The following YWHAZ variants were observed in gnomAD, a reference collection of about 807,000 sequenced individuals.
YWHAZ encodes 14-3-3 protein zeta/delta.
For synonymous variants in YWHAZ, 87 were observed against 103.6 expected, an observed-to-expected ratio of 0.84 and a Z score of 0.97; for missense variants, 79 against 284.8, an observed-to-expected ratio of 0.28 and a Z score of 5.20.
At chr8:100,935,400 A>G (rs1288065309) in intron 2 of YWHAZ, among the ~76,000 whole-genome samples, 1 of 152,188 alleles carries the variant, frequency 6.6e-6, no homozygotes. Context: ...CATCATCAAG[A>G]GTGTATTACC....
intron 1 of YWHAZ, 115 bp from the exon 2 acceptor site, chr8:100,949,015 ACT>A: frequency 8.2e-7 from 1 of 1,214,152 alleles, no homozygotes; most frequent in Non-Finnish European, 1.1e-6. Context: ...CCTGTGAAAG[ACT>A]GTTCACATGA....
Position 100,919,893 on chromosome 8 carries a change from A to G in YWHAZ, c.*800T>C, listed in dbSNP as rs1244457744. ...TCAAAAAAAAAAAAATCACAAAAGC[A>G]AAAATCCTAAAAAAAAGTTAAATAC... On this transcript the variant is annotated 3_prime_UTR_variant, in exon 6 of 6. Coordinates refer to ENST00000395958, the MANE Select transcript of YWHAZ (RefSeq NM_145690.3). The G allele has an allele frequency of 6.6e-6, 1 of 152,414 alleles. No individual in the cohort carries two copies. The highest frequency in any genetic ancestry group is 1.5e-5 in the Non-Finnish European group (1 of 67,980). 9.4% of individuals were successfully genotyped at this position (152,414 alleles called of 1,614,324 possible).
rs1183299219 is a variant in YWHAZ at position 100,918,422 on chromosome 8, ATATATATATATATATATATAT to A, written c.*2250_*2270del. On this transcript the variant is annotated 3_prime_UTR_variant, in exon 6 of 6. Transcript: ENST00000395958. ...ATATAATTACTTTATATATATATAT[ATATATATATATATATATATAT>A]AATTATTTTACCTCCTTGGCTTGGG... 17 of 86,640 alleles carry A rather than the reference ATATATATATATATATATATAT, an allele frequency of 2.0e-4. No individual in the cohort carries two copies. The East Asian group carries it at 6.7e-3, about 34-fold the overall frequency. The allele number at this position is 86,640 out of a possible 1,614,324, so 5.4% of individuals were successfully genotyped here. A position where few individuals can be genotyped will look rare whatever the true frequency, so the allele number is the denominator to read the frequency against.
In YWHAZ at chr8:100,922,058, A is replaced by C. The variant is rs1034973593; in HGVS notation, c.679-1306T>G. Reference sequence around the variant, plus strand: ...TACAGATAGCCAAATGACCTCTTGGAAACTGTGTGCTCCTCCTGTCAAACA... The same window carrying C: ...TACAGATAGCCAAATGACCTCTTGGCAACTGTGTGCTCCTCCTGTCAAACA... On this transcript the variant is annotated intron_variant, in intron 5 of 5. Coordinates refer to ENST00000395958, the MANE Select transcript of YWHAZ (RefSeq NM_145690.3). The surrounding 1 kb of genome is among the most constrained non-coding windows in gnomAD (Gnocchi z 4.1). Among the ~76,000 whole-genome samples, 3 of 152,204 alleles carry C rather than the reference A, an allele frequency of 2.0e-5. No individual in the cohort carries two copies. In the East Asian group the frequency reaches 5.8e-4, roughly 29 times the overall value.
At chr8:100,946,512 T>C (rs552532817) in intron 2 of YWHAZ, among the ~76,000 whole-genome samples, 178 of 152,022 alleles carry the variant, frequency 1.2e-3, no homozygotes, top group African/African-American at 4.1e-3. Flanking sequence ...GATGGTGCCA[T>C]TGCACTCCAG....
In YWHAZ at chr8:100,916,807, C is replaced by T. The variant is rs779688670; in HGVS notation, c.*3886G>A. The T allele has an allele frequency of 5.9e-5, 9 of 152,216 alleles. No homozygotes were observed. The highest frequency in any genetic ancestry group is 1.2e-4 in the Non-Finnish European group (8 of 68,042). 9.4% of individuals were successfully genotyped at this position (152,216 alleles called of 1,614,324 possible). ...TGGACATCCTGTTACAATCTATATT[C>T]AGGTCTCTCCACTTTGAAAAGGAAC... On this transcript the variant is annotated 3_prime_UTR_variant, in exon 6 of 6. Transcript: ENST00000395958.
chr8:100,951,091 C>T, intron 1 of YWHAZ: 2 of 900,986 alleles, frequency 2.2e-6, no homozygotes, highest in Non-Finnish European at 1.3e-6. Context: ...GACCCATCCC[C>T]CACCCCCACC....
Position 100,948,230 on chromosome 8 carries a change from G to A in YWHAZ, c.294+366C>T, listed in dbSNP as rs1810453059. On this transcript the variant is annotated intron_variant, in intron 2 of 5. Coordinates refer to ENST00000395958, the MANE Select transcript of YWHAZ (RefSeq NM_145690.3). The surrounding 1 kb of genome is among the most constrained non-coding windows in gnomAD (Gnocchi z 4.2). ...ATTACATCTCTCTTACCTAAAGTAT[G>A]TAAAATTCCTTTATCCACAGATGTA... The A allele has an allele frequency of 1.0e-5, 12 of 1,202,584 alleles. No homozygotes were observed. In the South Asian group the frequency reaches 1.7e-4, roughly 17 times the overall value. The allele number at this position is 1,202,584 out of a possible 1,614,324, so 74.5% of individuals were successfully genotyped here.
chr8:100,939,378 C>T (rs78215927), intron 2 of YWHAZ, among the ~76,000 whole-genome samples: 6,967 of 152,186 alleles, frequency 0.046, 169 homozygotes, highest in Non-Finnish European at 0.058. Context: ...GAACATCTAA[C>T]GCTGGGCACG....
At chr8:100,950,718 G>T in intron 1 of YWHAZ, 1 of 517,168 alleles carries the variant, frequency 1.9e-6, no homozygotes, top group Non-Finnish European at 2.5e-6. Context: ...CGCCACAGCA[G>T]CCCGCAGAAG....
chr8:100,943,987 AAAAAAAAAAAG>A (rs1810073297), intron 2 of YWHAZ, among the ~76,000 whole-genome samples: 1 of 44,998 alleles, frequency 2.2e-5, no homozygotes, highest in Non-Finnish European at 6.1e-5. Flanking sequence ...ACTCCGTCTC[AAAAAAAAAAAG>A]AAAAAAGAAA....
upstream of YWHAZ, chr8:100,952,845 T>G: frequency 1.0e-6 from 1 of 1,000,338 alleles, no homozygotes. Context: ...CCGCCGCGGC[T>G]TTACCTGCTG....
chr8:100,952,920 A>T (rs1016364013), upstream of YWHAZ: 304 of 1,000,084 alleles, frequency 3.0e-4, no homozygotes, highest in Non-Finnish European at 3.5e-4. Flanking sequence ...CCAGCCCCTG[A>T]GTGTGGCTGA....
At chr8:100,940,349 T>C (rs1563683505) in intron 2 of YWHAZ, among the ~76,000 whole-genome samples, 1 of 152,168 alleles carries the variant, frequency 6.6e-6, no homozygotes. Context: ...CTATGTATTA[T>C]GGATAAACTA....
chr8:100,948,058 G>C lies in YWHAZ; in HGVS notation c.294+538C>G, dbSNP rs976650154. ...TTGTTCATAACCTTTCATCATGGTTGTGAGTGTTCAAAATTTACCTTCAAG... is the reference window on the plus strand; with the variant it reads ...TTGTTCATAACCTTTCATCATGGTTCTGAGTGTTCAAAATTTACCTTCAAG... On this transcript the variant is annotated intron_variant, in intron 2 of 5. Transcript: ENST00000395958. The surrounding 1 kb of genome is among the most constrained non-coding windows in gnomAD (Gnocchi z 4.2). The C allele has an allele frequency of 5.9e-6, 9 of 1,515,868 alleles. No individual in the cohort carries two copies. The highest frequency in any genetic ancestry group is 1.4e-5 in the African/African-American group (1 of 72,480). The allele number at this position is 1,515,868 out of a possible 1,614,324, so 93.9% of individuals were successfully genotyped here.
chr8:100,952,802 C>T, upstream of YWHAZ: 2 of 1,000,206 alleles, frequency 2.0e-6, no homozygotes, highest in Non-Finnish European at 1.2e-6. Flanking sequence ...CTGGGCCGAC[C>T]GGGGCGCGCG....
At chr8:100,930,228 A>G (rs929723632) in intron 2 of YWHAZ, among the ~76,000 whole-genome samples, 1 of 152,236 alleles carries the variant, frequency 6.6e-6, no homozygotes, top group East Asian at 1.9e-4. Flanking sequence ...TCTCCCGAGT[A>G]GCCGGGACTG....
At chr8:100,927,370 A>G (rs1813436349) in intron 2 of YWHAZ, among the ~76,000 whole-genome samples, 1 of 152,120 alleles carries the variant, frequency 6.6e-6, no homozygotes, top group Non-Finnish European at 1.5e-5. Context: ...AAAAAAATTT[A>G]AAAGTTAACC....
chr8:100,943,346 T>A (rs1810010265), intron 2 of YWHAZ, among the ~76,000 whole-genome samples: 2 of 152,222 alleles, frequency 1.3e-5, no homozygotes, highest in South Asian at 4.1e-4. Context: ...TATTAGAATT[T>A]CAATAAACTA....
Sources: allele counts gnomAD v4.1 joint callset (sites outside exome capture counted in the v4.1 genomes callset), GRCh38; gene constraint gnomAD v4.1.1; non-coding constraint Gnocchi (gnomAD v3.1); transcripts MANE v1.5; gene names NCBI Gene and HGNC (gene_info 2026-07-23, HGNC 2026-07-21).